EPHA8: variants seen among roughly 807,000 people sequenced by gnomAD.
EPHA8 encodes EPH receptor A8.
Under a neutral mutation model 103.6 loss-of-function variants are expected in EPHA8, and 58 were observed. The observed-to-expected ratio is 0.56, with a 90% confidence interval of 0.45 to 0.70. The LOEUF (loss-of-function observed/expected upper bound fraction) is 0.70. Among genes scored for constraint, EPHA8 ranks in the 30% least tolerant of loss-of-function variants. The pLI, the probability that EPHA8 is intolerant of heterozygous loss-of-function variation, is 0.00. For missense variants in EPHA8, 1,304 were observed against 1,395.2 expected, an observed-to-expected ratio of 0.93 and a Z score of 1.04; for synonymous variants, 559 against 572.5, an observed-to-expected ratio of 0.98 and a Z score of 0.34.
chr1:22,577,126 G>A (rs114947354), intron 3 of EPHA8, among the ~76,000 whole-genome samples: 1 of 152,182 alleles, frequency 6.6e-6, no homozygotes. Flanking sequence ...AGACCCCAGC[G>A]AGGCGGTGCC....
chr1:22,584,892 G>A (rs188364571), intron 3 of EPHA8, among the ~76,000 whole-genome samples: 2 of 152,296 alleles, frequency 1.3e-5, no homozygotes, highest in East Asian at 3.9e-4. Context: ...GTCGTACTCT[G>A]TTTGCAAGGA....
chr1:22,577,879 G>A (rs913749720), intron 3 of EPHA8, among the ~76,000 whole-genome samples: 2 of 116,968 alleles, frequency 1.7e-5, no homozygotes, highest in Non-Finnish European at 3.7e-5. Context: ...GTGTGGGCCT[G>A]TGTTCATGAG....
Position 22,601,667 on chromosome 1 carries a change from A to C in EPHA8, c.2944A>C (p.Lys982Gln), listed in dbSNP as rs1217829614. The change falls in exon 17 of 17, where the codon AAG becomes CAG. Residue 982 changes from lysine to glutamine, a missense_variant. Transcript: ENST00000166244. ...ALGITLMGHQ[K>Q]KILGSIQTMR... is the part of the protein sequence containing the mutation. ...GGGCATCACCCTCATGGGCCACCAG[A>C]AGAAGATCCTGGGCAGCATTCAGAC... 1.3e-6 allele frequency: 2 copies of C among 1,595,336 alleles called. No individual in the cohort carries two copies. The highest frequency in any genetic ancestry group is 1.7e-6 in the Non-Finnish European group (2 of 1,171,112).
chr1:22,587,187 C>T (rs1214531851), intron 4 of EPHA8, among the ~76,000 whole-genome samples: 1 of 152,234 alleles, frequency 6.6e-6, no homozygotes, highest in Non-Finnish European at 1.5e-5. Flanking sequence ...GTGTGAGCAG[C>T]TGCTCTTACA....
chr1:22,570,322 G>GCA (rs1253129045), intron 2 of EPHA8, among the ~76,000 whole-genome samples: 6 of 113,892 alleles, frequency 5.3e-5, no homozygotes, highest in African/African-American at 8.6e-5. Context: ...GTACACACAT[G>GCA]CACACACGCA....
chr1:22,576,368 C>A lies in EPHA8; in HGVS notation c.311C>A (p.Thr104Asn). The A allele has an allele frequency of 6.2e-7, 1 of 1,613,844 alleles. No individual in the cohort carries two copies. Among genetic ancestry groups the A allele is most frequent in the African/African-American group, 1.3e-5 (1 of 75,022 alleles). Residue 104 changes from threonine (T) to asparagine (N), a missense_variant, in exon 3 of 17, where the codon ACC becomes AAC. Transcript: ENST00000166244. This position sits in a 1 kb window ranked among gnomAD's most constrained non-coding sequence, Gnocchi z 4.8. ...ARRVYAEIKF[T>N]LRDCNSMPGV... ...CGCGTCTATGCTGAGATCAAGTTTA[C>A]CCTGCGCGACTGCAACAGCATGCCT...
intron 3 of EPHA8, among the ~76,000 whole-genome samples, chr1:22,580,060 G>A (rs2148239528): frequency 6.6e-6 from 1 of 151,906 alleles, no homozygotes; most frequent in African/African-American, 2.4e-5. Context: ...CTGGGGCCAG[G>A]ATCTTCCCTG....
At chr1:22,599,621 G>A (rs1203346989) in intron 13 of EPHA8, among the ~76,000 whole-genome samples, 19 of 94,082 alleles carry the variant, frequency 2.0e-4, no homozygotes, top group Admixed American at 8.6e-4. Context: ...GAGGGAGGAA[G>A]AAGGGAAGGA....
chr1:22,582,264 G>T (rs924921091), intron 3 of EPHA8, among the ~76,000 whole-genome samples: 3 of 152,174 alleles, frequency 2.0e-5, no homozygotes, highest in Non-Finnish European at 4.4e-5. Context: ...GGAAGGGCGT[G>T]GAGTCAGGGG....
At position 22,576,298 on chromosome 1, in the gene EPHA8, A is replaced by T. The variant is rs1344147370; in HGVS notation, c.241A>T (p.Asn81Tyr). ...QVCNVMSPNQNNWLRTSWVPR... is the reference protein window; with the variant it reads ...QVCNVMSPNQYNWLRTSWVPR... Reference sequence around the variant, plus strand: ...TTGCAACGTCATGAGCCCCAACCAGAACAACTGGCTGCGCACGAGCTGGGT... The same window carrying T: ...TTGCAACGTCATGAGCCCCAACCAGTACAACTGGCTGCGCACGAGCTGGGT... Residue 81 changes from asparagine (N) to tyrosine (Y), a missense_variant, in exon 3 of 17, where the codon AAC (asparagine) becomes TAC (tyrosine). Transcript: ENST00000166244. This position sits in a 1 kb window ranked among gnomAD's most constrained non-coding sequence, Gnocchi z 4.8. 1.9e-6 allele frequency: 3 copies of T among 1,613,724 alleles called. No homozygotes were observed. The highest frequency in any genetic ancestry group is 2.7e-5 in the African/African-American group (2 of 74,884).
chr1:22,576,677 T>C lies in EPHA8; in HGVS notation c.620T>C (p.Met207Thr), dbSNP rs749789776. 26 of 1,613,734 alleles carry C rather than the reference T, an allele frequency of 1.6e-5. No individual in the cohort carries two copies. Among genetic ancestry groups the C allele is most frequent in the Non-Finnish European group, 1.9e-5 (22 of 1,180,030 alleles). The change falls in exon 3 of 17, where the codon ATG (methionine) becomes ACG (threonine). Residue 207 changes from methionine to threonine, a missense_variant. Physicochemically the swap from Met to Thr is moderately conservative, Grantham distance 81. Transcript: ENST00000166244. The surrounding 1 kb of genome is among the most constrained non-coding windows in gnomAD (Gnocchi z 4.8). ...ATCTACTATAAGAAGTGCCCTGCCA[T>C]GGTGCGCAATCTGGCTGCCTTCTCG... ...LRIYYKKCPA[M>T]VRNLAAFSEA...
Position 22,595,328 on chromosome 1 carries a change from G to A in EPHA8, c.1697+5G>A. ...CCTGCTCATCTGCAAGAAGAGGTGG[G>A]TGGTCTGGCCCAGCCACACCCAGCC... On this transcript the variant is annotated splice_donor_5th_base_variant and intron_variant, in intron 8 of 16. Coordinates refer to ENST00000166244, the MANE Select transcript of EPHA8 (RefSeq NM_020526.5). 1 of 1,610,510 alleles carries A rather than the reference G, an allele frequency of 6.2e-7. No homozygotes were observed. The highest frequency in any genetic ancestry group is 2.2e-5 in the East Asian group (1 of 44,754).
rs186602326 is a variant in EPHA8 at position 22,579,017 on chromosome 1, A to G, written c.823+2137A>G. ...CATGTGTATATGCATGTGTGTGCATATGTGCAAGAGTATGTATGCATGTGT... is the reference window on the plus strand; with the variant it reads ...CATGTGTATATGCATGTGTGTGCATGTGTGCAAGAGTATGTATGCATGTGT... On this transcript the variant is annotated intron_variant, in intron 3 of 16. Transcript: ENST00000166244. 2.7e-4 allele frequency among the ~76,000 whole-genome samples: 38 copies of G among 138,724 alleles called. No individual in the cohort carries two copies. In the East Asian group the frequency reaches 5.7e-3, roughly 21 times the overall value. 91.0% of individuals were successfully genotyped at this position (138,724 alleles called of 152,430 possible).
Position 22,576,543 on chromosome 1 carries a change from G to A in EPHA8, c.486G>A (p.Arg162=), listed in dbSNP as rs753817640. The A allele has an allele frequency of 6.8e-6, 11 of 1,614,168 alleles. No individual in the cohort carries two copies. The East Asian group carries it at 2.5e-4, about 36-fold the overall frequency. ...TCACAGGTGCCGACCTTGGTGTGCG[G>A]CGTCTCAAGCTCAACACGGAGGTGC... ...ESFTGADLGV[R]RLKLNTEVRS... is the part of the protein sequence containing the mutation. Residue 162 remains arginine (R), a synonymous_variant, in exon 3 of 17, where the codon CGG becomes CGA. Transcript: ENST00000166244. This position sits in a 1 kb window ranked among gnomAD's most constrained non-coding sequence, Gnocchi z 4.8.
Position 22,598,027 on chromosome 1 carries a change from C to G in EPHA8, c.2117-124C>G. The G allele has an allele frequency of 7.1e-7, 1 of 1,417,736 alleles. No individual in the cohort carries two copies. Among genetic ancestry groups the G allele is most frequent in the Non-Finnish European group, 9.8e-7 (1 of 1,017,418 alleles). The allele number at this position is 1,417,736 out of a possible 1,614,324, so 87.8% of individuals were successfully genotyped here. ...CCAGAGCCTGGGACCCCAGTGGAAA[C>G]CCAAGGCACCCTGGGGTTTCCAGTG... On this transcript the variant is annotated intron_variant, in intron 11 of 16. Coordinates refer to ENST00000166244, the MANE Select transcript of EPHA8 (RefSeq NM_020526.5). The surrounding 1 kb of genome is among the most constrained non-coding windows in gnomAD (Gnocchi z 5.1).
intron 3 of EPHA8, among the ~76,000 whole-genome samples, chr1:22,586,147 GGA>G (rs1456583223): frequency 6.6e-6 from 1 of 152,178 alleles, no homozygotes; most frequent in Admixed American, 6.5e-5. Flanking sequence ...CCCTAAAGCT[GGA>G]GACAGGGCCT....
At chr1:22,585,898 G>C (rs1252495709) in intron 3 of EPHA8, among the ~76,000 whole-genome samples, 1 of 152,186 alleles carries the variant, frequency 6.6e-6, no homozygotes, top group South Asian at 2.1e-4. Context: ...GTGGGGCCAG[G>C]AATCTGTATT....
chr1:22,585,046 T>TGCGCGCGCGCGC (rs887715708), intron 3 of EPHA8, among the ~76,000 whole-genome samples: 17 of 112,502 alleles, frequency 1.5e-4, no homozygotes, highest in African/African-American at 6.3e-4. Context: ...TGTGTGTGTG[T>TGCGCGCGCGCGC]GTGTGCGCAC....
In EPHA8 at chr1:22,567,262, ATACGTGTGTGTCC is replaced by A. The variant is rs1337544011; in HGVS notation, c.95-2025_95-2013del. ...GATGCGGGGTGGGGCGGGGGGACCC[ATACGTGTGTGTCC>A]TTCCCTCACCATCTCCCCAAACTCG... On this transcript the variant is annotated intron_variant, in intron 1 of 16. Transcript: ENST00000166244. This position sits in a 1 kb window ranked among gnomAD's most constrained non-coding sequence, Gnocchi z 4.2. Among the ~76,000 whole-genome samples, 1 of 148,702 alleles carries A rather than the reference ATACGTGTGTGTCC, an allele frequency of 6.7e-6. No homozygotes were observed. Among genetic ancestry groups the A allele is most frequent in the African/African-American group, 2.6e-5 (1 of 38,286 alleles).
Sources: gnomAD v4.1 joint callset for allele counts (sites outside exome capture counted in the v4.1 genomes callset) on GRCh38, gnomAD v4.1.1 for gene constraint, Gnocchi (gnomAD v3.1) non-coding constraint, MANE v1.5 for transcripts, NCBI Gene and HGNC (gene_info 2026-07-23, HGNC 2026-07-21) for gene names.